The following FER variants were observed in gnomAD, a reference collection of about 807,000 sequenced individuals.
The protein encoded by FER is tyrosine-protein kinase Fer.
A neutral mutation model predicts 111.0 loss-of-function variants in FER; 63 were observed. The observed-to-expected ratio is 0.57, with a 90% CI of 0.46 to 0.70. The LOEUF (loss-of-function observed/expected upper bound fraction) is 0.70, where lower values mean the gene tolerates loss of function less well. FER is among the 30% of genes least tolerant of loss of function. The pLI, the probability that FER is intolerant of heterozygous loss-of-function variation, is 0.00. For synonymous variants in FER, 327 were observed against 313.9 expected, an observed-to-expected ratio of 1.04 and a Z score of -0.44; for missense variants, 914 against 954.0, an observed-to-expected ratio of 0.96 and a Z score of 0.55.
At chr5:108,903,791 A>G (rs973494620) in intron 10 of FER, among the ~76,000 whole-genome samples, 4 of 152,202 alleles carry the variant, frequency 2.6e-5, no homozygotes, top group African/African-American at 7.2e-5. Flanking sequence ...ATTATTTTAC[A>G]TATTTCTTAT....
chr5:108,911,626 G>A lies in FER; in HGVS notation c.1236+13778G>A, dbSNP rs941439869. Among the ~76,000 whole-genome samples the A allele has an allele frequency of 1.4e-4, 21 of 152,120 alleles. No homozygotes were observed. The South Asian group carries it at 4.0e-3, about 29-fold the overall frequency. On this transcript the variant is annotated intron_variant, in intron 10 of 19. Transcript: ENST00000281092. ...TACGTTTGAGTCTTTAATCCATCTC[G>A]AGTTAATTTTTGTATATGGTGAGAG...
chr5:109,129,380 C>T (rs138132803), intron 17 of FER, among the ~76,000 whole-genome samples: 10 of 152,028 alleles, frequency 6.6e-5, no homozygotes, highest in African/African-American at 2.2e-4. Flanking sequence ...TCTATGTATA[C>T]TTGTTTACCT....
chr5:109,138,884 C>A (rs920651727), intron 17 of FER, among the ~76,000 whole-genome samples: 3 of 152,108 alleles, frequency 2.0e-5, no homozygotes, highest in African/African-American at 7.2e-5. Context: ...AATACAAATT[C>A]TTGATATGAC....
rs566921890 is a variant in FER at position 109,073,472 on chromosome 5, G to A, written c.1924+26274G>A. 3.3e-5 allele frequency among the ~76,000 whole-genome samples: 5 copies of A among 152,134 alleles called. No individual in the cohort carries two copies. The East Asian group carries it at 5.8e-4, about 18-fold the overall frequency. ...TGTTAGGCTGTGAATCATTTATACCGTAATTGATCCTAGCTAAGGGGCCGG... is the reference window on the plus strand; with the variant it reads ...TGTTAGGCTGTGAATCATTTATACCATAATTGATCCTAGCTAAGGGGCCGG... On this transcript the variant is annotated intron_variant, in intron 16 of 19. Transcript: ENST00000281092.
At chr5:108,775,139 T>C (rs1753352172) in intron 2 of FER, among the ~76,000 whole-genome samples, 1 of 152,214 alleles carries the variant, frequency 6.6e-6, no homozygotes, top group African/African-American at 2.4e-5. Context: ...CACCATTTAT[T>C]GACTAGGAGA....
intron 17 of FER, among the ~76,000 whole-genome samples, chr5:109,127,361 A>G (rs1240609272): frequency 2.6e-5 from 4 of 152,100 alleles, no homozygotes; most frequent in African/African-American, 9.7e-5. Context: ...TGTTCATATA[A>G]TATGTGCCTC....
At chr5:108,908,659 T>C (rs1751122983) in intron 10 of FER, among the ~76,000 whole-genome samples, 1 of 150,880 alleles carries the variant, frequency 6.6e-6, no homozygotes, top group African/African-American at 2.4e-5. Context: ...AGGCGGAGCT[T>C]GCAGTGAGCC....
intron 14 of FER, among the ~76,000 whole-genome samples, chr5:109,042,451 C>T (rs1227302406): frequency 6.6e-6 from 1 of 152,186 alleles, no homozygotes; most frequent in African/African-American, 2.4e-5. Flanking sequence ...GCTTCCTCCT[C>T]ACCTCTTTGG....
At chr5:108,854,452 G>T (rs1391412145) in intron 5 of FER, among the ~76,000 whole-genome samples, 3 of 152,186 alleles carry the variant, frequency 2.0e-5, no homozygotes, top group Non-Finnish European at 2.9e-5. Context: ...AAAAAGTGGA[G>T]CCTAACTTTG....
chr5:108,829,611 C>T (rs1759827110), intron 3 of FER, among the ~76,000 whole-genome samples: 1 of 152,136 alleles, frequency 6.6e-6, no homozygotes, highest in African/African-American at 2.4e-5. Flanking sequence ...TGCACTCCAG[C>T]CTGGGTGACA....
intron 1 of FER, among the ~76,000 whole-genome samples, chr5:108,754,471 C>T (rs953742058): frequency 1.3e-5 from 2 of 150,900 alleles, no homozygotes; most frequent in African/African-American, 2.4e-5. Flanking sequence ...TGAAGACATA[C>T]CTTACAATTC....
intron 16 of FER, among the ~76,000 whole-genome samples, chr5:109,048,661 T>G (rs925935548): frequency 5.3e-5 from 8 of 152,288 alleles, no homozygotes; most frequent in African/African-American, 1.9e-4. Context: ...ATTAGAAAAT[T>G]GAAAATATAA....
intron 13 of FER, among the ~76,000 whole-genome samples, chr5:108,986,907 C>G (rs370239509): frequency 6.6e-6 from 1 of 151,596 alleles, no homozygotes; most frequent in African/African-American, 2.4e-5. Flanking sequence ...TTTTTGTTTA[C>G]TCTTGTTTTG....
chr5:108,853,166 A>C (rs946762664), intron 5 of FER, among the ~76,000 whole-genome samples: 1 of 152,198 alleles, frequency 6.6e-6, no homozygotes, highest in Non-Finnish European at 1.5e-5. Context: ...TGAACAGCAC[A>C]AGGTAAAATT....
intron 17 of FER, among the ~76,000 whole-genome samples, chr5:109,146,186 AC>A (rs1754088095): frequency 1.6e-5 from 2 of 123,204 alleles, no homozygotes; most frequent in East Asian, 4.7e-4. Flanking sequence ...GCAAAAAAAT[AC>A]ATATATATAT....
At chr5:108,987,070 A>G (rs1352316708) in intron 13 of FER, among the ~76,000 whole-genome samples, 1 of 152,096 alleles carries the variant, frequency 6.6e-6, no homozygotes, top group Admixed American at 6.6e-5. Context: ...ATTCTACCCC[A>G]TCCATAAGCT....
chr5:108,839,848 A>G (rs893046506), intron 5 of FER, among the ~76,000 whole-genome samples: 11 of 152,034 alleles, frequency 7.2e-5, no homozygotes, highest in Admixed American at 7.2e-4. Context: ...AACTGCTGGG[A>G]TTACAGGCGT....
At chr5:109,114,088 A>G (rs1749951355) in intron 17 of FER, among the ~76,000 whole-genome samples, 1 of 152,120 alleles carries the variant, frequency 6.6e-6, no homozygotes, top group Non-Finnish European at 1.5e-5. Context: ...CTGTGTGTCC[A>G]CTCAGTGAAC....
chr5:108,949,244 G>A (rs564435017), intron 11 of FER, among the ~76,000 whole-genome samples: 1 of 152,120 alleles, frequency 6.6e-6, no homozygotes, highest in East Asian at 1.9e-4. Flanking sequence ...GTATTTTTTA[G>A]TGTTCTCCTT....
Sources: allele counts gnomAD v4.1 joint callset (sites outside exome capture counted in the v4.1 genomes callset), GRCh38; gene constraint gnomAD v4.1.1; transcripts MANE v1.5; gene names NCBI Gene and HGNC (gene_info 2026-07-23, HGNC 2026-07-21).